CFAP99: variants seen among roughly 807,000 people sequenced by gnomAD.
CFAP99 encodes cilia and flagella associated protein 99, also known as cilia- and flagella-associated protein 99.
Under a neutral mutation model 82.7 loss-of-function variants are expected in CFAP99, and 84 were observed. That is an observed-to-expected ratio of 1.02 (90% CI 0.85 to 1.22). CFAP99 has a LOEUF of 1.22. Ranked by LOEUF, CFAP99 falls within the 50% of genes most tolerant of loss-of-function variation. The probability of loss-of-function intolerance (pLI) is 0.00; values close to 1 mark genes in which losing one functional copy is unlikely to be tolerated. For missense variants in CFAP99, 1,059 were observed against 983.5 expected (o/e 1.08, Z -1.03); for synonymous variants, 456 against 429.5 (o/e 1.06, Z -0.76).
intron 2 of CFAP99, among the ~76,000 whole-genome samples, chr4:2,435,695 A>C (rs1191599688): frequency 2.0e-5 from 3 of 152,212 alleles, no homozygotes; most frequent in African/African-American, 7.2e-5. Flanking sequence ...AGGCCAAGGC[A>C]GGAGGATTGC....
chr4:2,445,037 A>G (rs1734128551), intron 5 of CFAP99, 94 bp from the exon 6 acceptor site: 5 of 955,282 alleles, frequency 5.2e-6, no homozygotes, highest in Non-Finnish European at 6.8e-6. Flanking sequence ...GGTGGACCCA[A>G]TCGCTGCGGG....
chr4:2,455,387 T>C (rs1284825575), intron 11 of CFAP99, among the ~76,000 whole-genome samples: 1 of 152,206 alleles, frequency 6.6e-6, no homozygotes, highest in Non-Finnish European at 1.5e-5. Context: ...AAAATGCCAC[T>C]CTTGGCTGGG....
At chr4:2,425,846 C>T (rs979986391) in intron 1 of CFAP99, among the ~76,000 whole-genome samples, 4 of 152,136 alleles carry the variant, frequency 2.6e-5, no homozygotes, top group Non-Finnish European at 5.9e-5. Context: ...GGAACTGCTG[C>T]ACCTCTGGAG....
At chr4:2,431,315 G>A (rs899050639) in intron 2 of CFAP99, among the ~76,000 whole-genome samples, 5 of 151,598 alleles carry the variant, frequency 3.3e-5, no homozygotes, top group African/African-American at 7.3e-5. Flanking sequence ...GTTGCAGTGA[G>A]TCGAGATCGC....
intron 3 of CFAP99, among the ~76,000 whole-genome samples, chr4:2,437,732 G>A (rs1398145603): frequency 6.6e-6 from 1 of 152,234 alleles, no homozygotes; most frequent in Admixed American, 6.5e-5. Flanking sequence ...CTCGGGCCCA[G>A]GTTTATTCAC....
exon 2 of CFAP99, chr4:2,426,576 C>T: frequency 6.5e-7 from 1 of 1,535,244 alleles, no homozygotes; most frequent in Non-Finnish European, 8.7e-7. Flanking sequence ...GCTGCGGCCA[C>T]CTCCCTGCAG....
chr4:2,448,846 C>T lies in CFAP99; in HGVS notation c.643-824C>T, dbSNP rs1734229111. On this transcript the variant is annotated intron_variant, in intron 6 of 14. Coordinates refer to ENST00000635017, the Ensembl canonical transcript of CFAP99. The surrounding 1 kb of genome is among the most constrained non-coding windows in gnomAD (Gnocchi z 5.2). The stretch of plus-strand genomic sequence containing the variant: ...CGCCAACACAGGGTCCCTCCAGCTG[C>T]CGTGGCCAAGGAGGGCAGTGAGAGG... 6.6e-6 allele frequency among the ~76,000 whole-genome samples: 1 copy of T among 152,186 alleles called. No homozygotes were observed. Among genetic ancestry groups the T allele is most frequent in the South Asian group, 2.1e-4 (1 of 4,836 alleles).
chr4:2,430,886 C>A (rs1170766915), intron 2 of CFAP99, among the ~76,000 whole-genome samples: 3 of 151,512 alleles, frequency 2.0e-5, no homozygotes, highest in South Asian at 2.1e-4. Context: ...CAGCCTAGGC[C>A]ACACAGTGAG....
Position 2,462,607 on chromosome 4 carries a change from T to C in CFAP99, c.1826T>C (p.Val609Ala). The change falls in exon 15 of 15, where the codon GTG becomes GCG. Residue 609 changes from valine (V) to alanine (A), a missense_variant. Val to Ala is a moderately conservative substitution (Grantham distance 64). Coordinates refer to ENST00000635017, the Ensembl canonical transcript of CFAP99. The surrounding 1 kb of genome is among the most constrained non-coding windows in gnomAD (Gnocchi z 4.1). Reference sequence around the variant, plus strand: ...CGGACCGCGCGCCCCAAGCCCCGGGTGAGTCCGGATTGGTGGGAGGAGCCC... The same window carrying C: ...CGGACCGCGCGCCCCAAGCCCCGGGCGAGTCCGGATTGGTGGGAGGAGCCC... The C allele has an allele frequency of 7.1e-7, 1 of 1,403,898 alleles. No homozygotes were observed. Among genetic ancestry groups the C allele is most frequent in the South Asian group, 1.5e-5 (1 of 66,418 alleles). The allele number at this position is 1,403,898 out of a possible 1,614,324, so 87.0% of individuals were successfully genotyped here.
At chr4:2,445,089 T>G in intron 5 of CFAP99, 42 bp from the exon 6 acceptor site, 2 of 1,293,354 alleles carry the variant, frequency 1.5e-6, no homozygotes, top group Non-Finnish European at 2.0e-6. Context: ...TTGAACAGCT[T>G]AGGGAGTGAC....
At chr4:2,449,952 A>G in exon 8 of CFAP99, 2 of 1,536,172 alleles carry the variant, frequency 1.3e-6, no homozygotes, top group Non-Finnish European at 1.7e-6. Context: ...GCTGAGGGCA[A>G]ACATCGAGGA....
intron 11 of CFAP99, among the ~76,000 whole-genome samples, chr4:2,454,593 T>TTGTTTTTTTTTTTTTTTTTTTTTTTTG (rs1734382512): frequency 1.8e-5 from 2 of 110,626 alleles, no homozygotes; most frequent in African/African-American, 3.3e-5. Flanking sequence ...TTTTTTTTTT[T>TTGTTTTTTTTTTTTTTTTTTTTTTTTG]GTTTTTTTTT....
chr4:2,421,605 T>C (rs1733587438), intron 1 of CFAP99, among the ~76,000 whole-genome samples: 1 of 152,130 alleles, frequency 6.6e-6, no homozygotes, highest in Non-Finnish European at 1.5e-5. Flanking sequence ...CGCCTTGGCT[T>C]CCCAAAGTGC....
In CFAP99 at chr4:2,452,880, T is replaced by C. The variant is rs139573952; in HGVS notation, c.1161+534T>C. ...GAGTTCAAGATCAGCCTGAGCAACA[T>C]AGCAAAATCCCGTCTCTGTAAAAAA... On this transcript the variant is annotated intron_variant, in intron 11 of 14. Transcript: ENST00000635017. 6.6e-4 allele frequency among the ~76,000 whole-genome samples: 101 copies of C among 152,182 alleles called. 2 individuals carry two copies. The highest frequency in any genetic ancestry group is 2.0e-3 in the African/African-American group (83 of 41,528).
At chr4:2,435,575 G>A (rs1306914833) in intron 2 of CFAP99, among the ~76,000 whole-genome samples, 1 of 152,096 alleles carries the variant, frequency 6.6e-6, no homozygotes, top group Non-Finnish European at 1.5e-5. Flanking sequence ...AGAACACATT[G>A]TAAGTGAAAT....
intron 6 of CFAP99, 137 bp downstream of exon 6, chr4:2,445,445 A>C: frequency 1.3e-6 from 1 of 778,970 alleles, no homozygotes; most frequent in Admixed American, 4.3e-5. Context: ...CAGGAACACT[A>C]AATGACCCCA....
chr4:2,445,373 G>A (rs1578475456), intron 6 of CFAP99, 65 bp downstream of exon 6: 1 of 1,258,914 alleles, frequency 7.9e-7, no homozygotes, highest in Non-Finnish European at 1.0e-6. Context: ...CTGGGAGAGT[G>A]GACTGTGTGG....
chr4:2,456,950 CTTTTTTT>C (rs574632036), intron 11 of CFAP99, among the ~76,000 whole-genome samples: 1 of 109,476 alleles, frequency 9.1e-6, no homozygotes, highest in Non-Finnish European at 1.8e-5. Context: ...TCTTTGAATA[CTTTTTTT>C]TTTTTTTTTT....
rs912983694 is a variant in CFAP99, at chr4:2,451,249, T to C, written c.868-15T>C. The C allele has an allele frequency of 1.3e-6, 2 of 1,535,668 alleles. No homozygotes were observed. Among genetic ancestry groups the C allele is most frequent in the African/African-American group, 2.7e-5 (2 of 72,976 alleles). ...CTCCTCAAGCCCCCACCACAGCCAG[T>C]CCCCAATCCCGCAGCCTGACAACAT... is the stretch of plus-strand genomic sequence containing the variant. On this transcript the variant is annotated splice_polypyrimidine_tract_variant and intron_variant, in intron 9 of 14. Coordinates refer to ENST00000635017, the Ensembl canonical transcript of CFAP99.
Sources: gnomAD v4.1 joint callset for allele counts (sites outside exome capture counted in the v4.1 genomes callset) on GRCh38, gnomAD v4.1.1 for gene constraint, Gnocchi (gnomAD v3.1) non-coding constraint, MANE v1.5 for transcripts, NCBI Gene and HGNC (gene_info 2026-07-23, HGNC 2026-07-21) for gene names.